The following NTRK3 variants were observed in gnomAD, a reference collection of about 807,000 sequenced individuals.
The protein encoded by NTRK3 is neurotrophic receptor tyrosine kinase 3, also known as NT-3 growth factor receptor.
NTRK3 carries 24 observed loss-of-function variants against 91.7 expected under a neutral mutation model. That is an observed-to-expected ratio of 0.26 (90% CI 0.19 to 0.37). The LOEUF (loss-of-function observed/expected upper bound fraction) is 0.37, where lower values mean the gene tolerates loss of function less well. NTRK3 is among the 10% of genes least tolerant of loss of function. The pLI, the probability that NTRK3 is intolerant of heterozygous loss-of-function variation, is 1.00. For missense variants in NTRK3, 880 were observed against 1,068.9 expected, an observed-to-expected ratio of 0.82 and a Z score of 2.46; for synonymous variants, 483 against 404.0, an observed-to-expected ratio of 1.20 and a Z score of -2.34.
At chr15:88,094,317 A>C (rs1169903932) in intron 13 of NTRK3, among the ~76,000 whole-genome samples, 2 of 151,784 alleles carry the variant, frequency 1.3e-5, no homozygotes, top group Non-Finnish European at 2.9e-5. Context: ...ATACAAAAAA[A>C]AATTAGCCGG....
Position 88,060,673 on chromosome 15 carries a change from T to G in NTRK3, c.1397-27628A>C, listed in dbSNP as rs536949692. ...CTGAGCACGGGGGAACAGCAGGAGC[T>G]AATTGTCCCTTACATCACATGGCTC... On this transcript the variant is annotated intron_variant, in intron 13 of 18. Coordinates refer to ENST00000394480, the Ensembl canonical transcript of NTRK3. Among the ~76,000 whole-genome samples the G allele has an allele frequency of 2.0e-5, 3 of 152,210 alleles. No individual in the cohort carries two copies. The South Asian group carries it at 6.2e-4, about 32-fold the overall frequency.
At chr15:88,124,820 A>T (rs1463500240) in intron 13 of NTRK3, among the ~76,000 whole-genome samples, 1 of 152,106 alleles carries the variant, frequency 6.6e-6, no homozygotes, top group Non-Finnish European at 1.5e-5. Context: ...ACTTCCATCC[A>T]CCTTTATAAT....
chr15:88,080,540 G>A (rs1453161643), intron 13 of NTRK3, among the ~76,000 whole-genome samples: 3 of 152,248 alleles, frequency 2.0e-5, no homozygotes, highest in East Asian at 3.9e-4. Flanking sequence ...TCTTCTTCAT[G>A]CTGATTTTTG....
chr15:87,971,784 G>C (rs955386091), intron 14 of NTRK3, among the ~76,000 whole-genome samples: 10 of 152,308 alleles, frequency 6.6e-5, no homozygotes, highest in African/African-American at 2.4e-4. Flanking sequence ...AGGCTCTGTA[G>C]ACCTGCCCCA....
At chr15:88,226,921 A>G (rs960322632) in intron 3 of NTRK3, among the ~76,000 whole-genome samples, 1 of 152,204 alleles carries the variant, frequency 6.6e-6, no homozygotes, top group Non-Finnish European at 1.5e-5. Flanking sequence ...TATCACTGAG[A>G]AGATTTAGAA....
intron 14 of NTRK3, among the ~76,000 whole-genome samples, chr15:88,013,686 C>A (rs2077037376): frequency 2.0e-5 from 3 of 152,194 alleles, no homozygotes; most frequent in Admixed American, 6.5e-5. Flanking sequence ...CATTTCAGAT[C>A]ATGTACAAAA....
intron 3 of NTRK3, among the ~76,000 whole-genome samples, chr15:88,216,306 T>C (rs1367178743): frequency 6.6e-6 from 1 of 152,192 alleles, no homozygotes; most frequent in Non-Finnish European, 1.5e-5. Flanking sequence ...ATGGAATATC[T>C]TGCCCCGGAG....
intron 13 of NTRK3, among the ~76,000 whole-genome samples, chr15:88,115,788 C>T (rs907677165): frequency 6.6e-6 from 1 of 152,242 alleles, no homozygotes; most frequent in Non-Finnish European, 1.5e-5. Context: ...GGATTCCAGC[C>T]ACCACCTAGG....
At chr15:88,067,830 G>A (rs2046785064) in intron 13 of NTRK3, among the ~76,000 whole-genome samples, 1 of 152,194 alleles carries the variant, frequency 6.6e-6, no homozygotes, top group Non-Finnish European at 1.5e-5. Flanking sequence ...TTGAGGTCAA[G>A]ATTAAGTGTA....
intron 14 of NTRK3, among the ~76,000 whole-genome samples, chr15:87,982,646 G>T (rs2074388941): frequency 6.6e-6 from 1 of 152,172 alleles, no homozygotes; most frequent in Non-Finnish European, 1.5e-5. Flanking sequence ...GAGCTTAGGG[G>T]AGAAGGGGCA....
At chr15:87,894,831 C>G (rs567590520) in intron 17 of NTRK3, among the ~76,000 whole-genome samples, 4 of 152,308 alleles carry the variant, frequency 2.6e-5, no homozygotes, top group African/African-American at 9.6e-5. Context: ...CTCCCCTGCT[C>G]TACTCTCTCC....
chr15:88,061,417 T>C (rs2046203186), intron 13 of NTRK3, among the ~76,000 whole-genome samples: 1 of 152,242 alleles, frequency 6.6e-6, no homozygotes, highest in South Asian at 2.1e-4. Context: ...GGAATGCTTG[T>C]GCTGCCCTCC....
chr15:87,988,809 C>A (rs917175144), intron 14 of NTRK3, among the ~76,000 whole-genome samples: 11 of 152,036 alleles, frequency 7.2e-5, no homozygotes, highest in Non-Finnish European at 1.2e-4. Context: ...TCTTTTATTT[C>A]TTTTATCTTA....
chr15:88,122,519 T>A (rs1221593018), intron 13 of NTRK3, among the ~76,000 whole-genome samples: 2 of 152,196 alleles, frequency 1.3e-5, no homozygotes, highest in Admixed American at 6.5e-5. Context: ...GGGGTTTTAG[T>A]TTTAGTCATA....
rs576703432 is a variant in NTRK3, at chr15:88,047,607, A to C, written c.1397-14562T>G. On this transcript the variant is annotated intron_variant, in intron 13 of 18. Coordinates refer to ENST00000394480, the Ensembl canonical transcript of NTRK3. ...TCACCTTCACGGTACCTCCTCATCAAAAGTCTGTTTCTTCATGCATCCATT... is the reference window on the plus strand; with the variant it reads ...TCACCTTCACGGTACCTCCTCATCACAAGTCTGTTTCTTCATGCATCCATT... Among the ~76,000 whole-genome samples the C allele has an allele frequency of 2.6e-5, 4 of 152,316 alleles. No homozygotes were observed. In the East Asian group the frequency reaches 7.7e-4, roughly 29 times the overall value.
chr15:87,924,650 G>A (rs758161357), intron 17 of NTRK3, among the ~76,000 whole-genome samples: 3 of 152,162 alleles, frequency 2.0e-5, no homozygotes, highest in African/African-American at 7.2e-5. Flanking sequence ...GCCTGCAGCT[G>A]CATTCCACAT....
intron 5 of NTRK3, among the ~76,000 whole-genome samples, chr15:88,157,780 C>T (rs1439027805): frequency 6.6e-6 from 1 of 152,062 alleles, no homozygotes; most frequent in Non-Finnish European, 1.5e-5. Flanking sequence ...AGCCAGGACC[C>T]GGAGTCCTGG....
chr15:88,045,908 C>T (rs910067058), intron 13 of NTRK3, among the ~76,000 whole-genome samples: 7 of 152,230 alleles, frequency 4.6e-5, no homozygotes, highest in African/African-American at 1.7e-4. Flanking sequence ...CACTCTATTC[C>T]TGTATCACTT....
intron 14 of NTRK3, among the ~76,000 whole-genome samples, chr15:88,013,727 C>A (rs1235492817): frequency 1.3e-5 from 2 of 152,148 alleles, no homozygotes; most frequent in Non-Finnish European, 2.9e-5. Context: ...CTTGGCCAGG[C>A]ACTGTGGCTC....
Sources: allele counts gnomAD v4.1 joint callset (sites outside exome capture counted in the v4.1 genomes callset), GRCh38; gene constraint gnomAD v4.1.1; transcripts MANE v1.5; gene names NCBI Gene and HGNC (gene_info 2026-07-23, HGNC 2026-07-21).